Variants in MYO3B observed in about 807,000 individuals in gnomAD.
MYO3B encodes myosin-IIIb.
Under a neutral mutation model 174.6 loss-of-function variants are expected in MYO3B, and 156 were observed. That is an observed-to-expected ratio of 0.89 (90% confidence interval 0.78 to 1.02). The LOEUF is 1.02. Among genes scored for constraint, MYO3B ranks in the 50% least tolerant of loss-of-function variants. The probability of loss-of-function intolerance (pLI) is 0.00; values close to 1 mark genes in which losing one functional copy is unlikely to be tolerated. For missense variants in MYO3B, 1,632 were observed against 1,639.4 expected (o/e 1.00, Z 0.08); for synonymous variants, 563 against 569.1 (o/e 0.99, Z 0.15).
At chr2:170,342,950 A>G (rs1244812099) in intron 8 of MYO3B, among the ~76,000 whole-genome samples, 1 of 151,736 alleles carries the variant, frequency 6.6e-6, no homozygotes, top group Non-Finnish European at 1.5e-5. Context: ...CTTCTTTGAC[A>G]CCAATGTGCT....
chr2:170,480,515 G>C (rs558563465), intron 25 of MYO3B, among the ~76,000 whole-genome samples: 1 of 152,288 alleles, frequency 6.6e-6, no homozygotes, highest in Admixed American at 6.5e-5. Flanking sequence ...GTGTTTCCCT[G>C]AGTTCTAAGA....
At chr2:170,607,953 A>G (rs1180570833) in intron 32 of MYO3B, among the ~76,000 whole-genome samples, 1 of 152,226 alleles carries the variant, frequency 6.6e-6, no homozygotes, top group East Asian at 1.9e-4. Flanking sequence ...TTTGTGAAGG[A>G]GAAGTAATAT....
intron 32 of MYO3B, among the ~76,000 whole-genome samples, chr2:170,636,694 G>A (rs866219325): frequency 6.6e-6 from 1 of 152,112 alleles, no homozygotes; most frequent in South Asian, 2.1e-4. Flanking sequence ...GGATGTCCAA[G>A]ATCATTCCAG....
intron 24 of MYO3B, among the ~76,000 whole-genome samples, chr2:170,465,002 G>GACTA (rs1355676127): frequency 6.6e-6 from 1 of 150,892 alleles, no homozygotes; most frequent in African/African-American, 2.4e-5. Context: ...ACGTAGCTGG[G>GACTA]ACTACAGGTA....
chr2:170,322,364 A>ATCTT (rs1393293867), intron 7 of MYO3B, among the ~76,000 whole-genome samples: 1 of 152,222 alleles, frequency 6.6e-6, no homozygotes. Context: ...TGTCAGAAAA[A>ATCTT]TAAATGTGTG....
intron 16 of MYO3B, among the ~76,000 whole-genome samples, chr2:170,398,982 A>G (rs1171864404): frequency 1.3e-5 from 2 of 152,092 alleles, no homozygotes; most frequent in African/African-American, 2.4e-5. Context: ...GTGGTGGCTC[A>G]CGCCTGGAAT....
intron 34 of MYO3B, among the ~76,000 whole-genome samples, chr2:170,652,543 A>G (rs1269961030): frequency 1.3e-5 from 2 of 152,212 alleles, no homozygotes; most frequent in East Asian, 3.8e-4. Context: ...AAGGAGAAAC[A>G]TGCCCAACTG....
intron 30 of MYO3B, among the ~76,000 whole-genome samples, chr2:170,526,223 T>C (rs757163350): frequency 1.3e-5 from 2 of 152,072 alleles, no homozygotes; most frequent in Non-Finnish European, 2.9e-5. Flanking sequence ...AAAAAGGGAA[T>C]AATTGGGAGG....
chr2:170,220,771 A>G (rs895823903), intron 6 of MYO3B, among the ~76,000 whole-genome samples: 9 of 152,076 alleles, frequency 5.9e-5, no homozygotes, highest in African/African-American at 4.8e-5. Context: ...CAGTGGATCA[A>G]TTGAAAAGTA....
chr2:170,282,372 C>T (rs1385783637), intron 7 of MYO3B, among the ~76,000 whole-genome samples: 1 of 152,158 alleles, frequency 6.6e-6, no homozygotes, highest in Non-Finnish European at 1.5e-5. Flanking sequence ...ACCTTTCTCA[C>T]TGAATGTTCT....
intron 28 of MYO3B, among the ~76,000 whole-genome samples, chr2:170,502,216 A>G (rs1204548597): frequency 1.3e-5 from 2 of 152,208 alleles, no homozygotes; most frequent in East Asian, 3.8e-4. Context: ...CCGTTTGGAT[A>G]GAGTCAGCAT....
At chr2:170,348,919 G>A (rs1441866113) in intron 8 of MYO3B, among the ~76,000 whole-genome samples, 1 of 152,204 alleles carries the variant, frequency 6.6e-6, no homozygotes, top group Non-Finnish European at 1.5e-5. Flanking sequence ...GTTTCTGGGT[G>A]ATGATTCAGA....
intron 7 of MYO3B, among the ~76,000 whole-genome samples, chr2:170,287,827 A>G (rs774000193): frequency 6.6e-6 from 1 of 151,968 alleles, no homozygotes; most frequent in Non-Finnish European, 1.5e-5. Flanking sequence ...AATTTTCCCA[A>G]TGTTTTCTTC....
At chr2:170,366,284 C>T (rs1274708252) in intron 8 of MYO3B, among the ~76,000 whole-genome samples, 1 of 152,032 alleles carries the variant, frequency 6.6e-6, no homozygotes, top group Non-Finnish European at 1.5e-5. Flanking sequence ...ACTAAGAAAG[C>T]ACTTTTTTTT....
intron 7 of MYO3B, among the ~76,000 whole-genome samples, chr2:170,322,551 C>T (rs2093836259): frequency 1.3e-5 from 2 of 152,176 alleles, no homozygotes; most frequent in Non-Finnish European, 2.9e-5. Context: ...GTCTTTTGCC[C>T]TTGAAAGAGG....
At chr2:170,391,230 G>A (rs2094409655) in intron 14 of MYO3B, among the ~76,000 whole-genome samples, 1 of 152,062 alleles carries the variant, frequency 6.6e-6, no homozygotes. Context: ...AAGGTAGTAG[G>A]CGTTTGGGCT....
intron 8 of MYO3B, among the ~76,000 whole-genome samples, chr2:170,365,755 G>C (rs1421100341): frequency 6.6e-6 from 1 of 152,130 alleles, no homozygotes; most frequent in East Asian, 1.9e-4. Context: ...TTTACACTCA[G>C]GTTCAGTTGT....
intron 7 of MYO3B, among the ~76,000 whole-genome samples, chr2:170,284,292 G>A (rs2093537633): frequency 6.6e-6 from 1 of 152,150 alleles, no homozygotes; most frequent in Admixed American, 6.5e-5. Flanking sequence ...TCCAGAGTCT[G>A]ATAGCAAAGA....
chr2:170,275,134 C>CATTTGCAA (rs2093454986), intron 7 of MYO3B, among the ~76,000 whole-genome samples: 1 of 152,288 alleles, frequency 6.6e-6, no homozygotes, highest in South Asian at 2.1e-4. Flanking sequence ...TGTTGCCTAA[C>CATTTGCAA]TACTAACTAT....
Sources: gnomAD v4.1 joint callset for allele counts (sites outside exome capture counted in the v4.1 genomes callset) on GRCh38, gnomAD v4.1.1 for gene constraint, MANE v1.5 for transcripts, NCBI Gene and HGNC (gene_info 2026-07-23, HGNC 2026-07-21) for gene names.